Variants in RNF220 observed in about 807,000 individuals in gnomAD.
RNF220 encodes the protein E3 ubiquitin-protein ligase RNF220.
Under a neutral mutation model 67.1 loss-of-function variants are expected in RNF220, and 7 were observed. The observed-to-expected ratio is 0.10, with a 90% confidence interval of 0.06 to 0.20. RNF220 has a LOEUF of 0.20. Among genes scored for constraint, RNF220 ranks in the 10% least tolerant of loss-of-function variants. RNF220 has a pLI of 1.00. For missense variants in RNF220, 565 were observed against 740.3 expected, an observed-to-expected ratio of 0.76 and a Z score of 2.75; for synonymous variants, 270 against 283.2, an observed-to-expected ratio of 0.95 and a Z score of 0.47.
intron 2 of RNF220, among the ~76,000 whole-genome samples, chr1:44,434,769 G>C (rs987297140): frequency 4.6e-5 from 7 of 151,938 alleles, no homozygotes; most frequent in Admixed American, 1.3e-4. Flanking sequence ...ATTGATGTAG[G>C]GAAAGTGTTA....
intron 8 of RNF220, 52 bp downstream of exon 8, chr1:44,636,214 G>C (rs773761686): frequency 2.0e-5 from 31 of 1,568,810 alleles, no homozygotes; most frequent in Non-Finnish European, 2.6e-5. Flanking sequence ...GGCCTCTGCT[G>C]GGTATCCATC....
chr1:44,516,969 T>G (rs184904658), intron 2 of RNF220, among the ~76,000 whole-genome samples: 3 of 152,110 alleles, frequency 2.0e-5, no homozygotes, highest in East Asian at 3.9e-4. Context: ...CCCTCTCCCC[T>G]TTTCCCATGG....
At chr1:44,619,246 G>A (rs1643691885) in intron 3 of RNF220, among the ~76,000 whole-genome samples, 1 of 152,220 alleles carries the variant, frequency 6.6e-6, no homozygotes, top group Admixed American at 6.5e-5. Flanking sequence ...TCTCTGGGAG[G>A]TTTCTGGAGC....
intron 2 of RNF220, among the ~76,000 whole-genome samples, chr1:44,509,884 CCAAAAAAAAA>C (rs1228371990): frequency 3.7e-5 from 3 of 80,408 alleles, no homozygotes; most frequent in African/African-American, 1.4e-4. Flanking sequence ...GAGACCCTGT[CCAAAAAAAAA>C]AAAAAAAAAA....
At chr1:44,495,650 G>A (rs1300635461) in intron 2 of RNF220, among the ~76,000 whole-genome samples, 2 of 152,188 alleles carry the variant, frequency 1.3e-5, no homozygotes, top group Non-Finnish European at 2.9e-5. Context: ...TGACCAGGCT[G>A]GTCTCAAACT....
chr1:44,609,018 C>T (rs1398245125), intron 2 of RNF220, among the ~76,000 whole-genome samples: 1 of 152,188 alleles, frequency 6.6e-6, no homozygotes, highest in Non-Finnish European at 1.5e-5. Context: ...CCATTTCACA[C>T]AAGGAGAAAT....
At chr1:44,637,226 G>A (rs917157798) in intron 8 of RNF220, among the ~76,000 whole-genome samples, 2 of 152,246 alleles carry the variant, frequency 1.3e-5, no homozygotes, top group African/African-American at 4.8e-5. Context: ...GTTCCACGAA[G>A]GGGCTAAGAG....
chr1:44,533,808 T>C (rs1354687403), intron 2 of RNF220, among the ~76,000 whole-genome samples: 1 of 152,180 alleles, frequency 6.6e-6, no homozygotes, highest in African/African-American at 2.4e-5. Flanking sequence ...ATAAGCATTC[T>C]AAGTAGAGGG....
At chr1:44,569,898 G>C (rs573856618) in intron 2 of RNF220, among the ~76,000 whole-genome samples, 1 of 152,164 alleles carries the variant, frequency 6.6e-6, no homozygotes, top group Non-Finnish European at 1.5e-5. Context: ...AGTCTGAAAG[G>C]GGTAGCAGGC....
At chr1:44,603,466 G>A (rs571854535) in intron 2 of RNF220, among the ~76,000 whole-genome samples, 1 of 152,358 alleles carries the variant, frequency 6.6e-6, no homozygotes, top group East Asian at 1.9e-4. Flanking sequence ...GCCCAAGTCT[G>A]GGCCCAGACC....
intron 2 of RNF220, among the ~76,000 whole-genome samples, chr1:44,540,406 C>A (rs1409987018): frequency 2.0e-5 from 3 of 152,134 alleles, no homozygotes; most frequent in Non-Finnish European, 4.4e-5. Flanking sequence ...TGAACTGTAC[C>A]ACACATCACC....
intron 6 of RNF220, chr1:44,632,735 T>C: frequency 2.6e-6 from 1 of 389,040 alleles, no homozygotes; most frequent in Non-Finnish European, 4.8e-6. Context: ...TGCAGGGCGC[T>C]GAGAATGTTT....
chr1:44,508,891 G>A (rs552211249), intron 2 of RNF220, among the ~76,000 whole-genome samples: 1 of 152,152 alleles, frequency 6.6e-6, no homozygotes, highest in Non-Finnish European at 1.5e-5. Flanking sequence ...AGATGGAAAG[G>A]AGTAAGCCCT....
chr1:44,645,158 C>T lies in RNF220; in HGVS notation c.1311-63C>T. The T allele has an allele frequency of 6.2e-7, 1 of 1,611,928 alleles. No homozygotes were observed. Among genetic ancestry groups the T allele is most frequent in the Non-Finnish European group, 8.5e-7 (1 of 1,178,008 alleles). ...GAGGCAGGGGTTAACGCAGTACTGA[C>T]CCTCAGGGCTGTCCTGCCCGCCTTC... On this transcript the variant is annotated intron_variant, in intron 10 of 14. Coordinates refer to ENST00000361799, the MANE Select transcript of RNF220 (RefSeq NM_018150.4). The surrounding 1 kb of genome is among the most constrained non-coding windows in gnomAD (Gnocchi z 5.0).
At chr1:44,530,128 G>A (rs1365620445) in intron 2 of RNF220, among the ~76,000 whole-genome samples, 1 of 151,812 alleles carries the variant, frequency 6.6e-6, no homozygotes, top group African/African-American at 2.4e-5. Context: ...TAAACGTTTA[G>A]GTATACTAAC....
At chr1:44,640,088 C>T (rs1005271612) in intron 8 of RNF220, among the ~76,000 whole-genome samples, 1 of 152,260 alleles carries the variant, frequency 6.6e-6, no homozygotes, top group African/African-American at 2.4e-5. Flanking sequence ...CCACACCCGG[C>T]CTGGCACAAA....
At chr1:44,627,568 ACAAAGAACTTCCCC>A in intron 5 of RNF220, among the ~76,000 whole-genome samples, 1 of 152,252 alleles carries the variant, frequency 6.6e-6, no homozygotes, top group East Asian at 1.9e-4. Context: ...AGTAGGAAGG[ACAAAGAACTTCCCC>A]CAAAACTTTT....
chr1:44,414,139 C>T (rs1160747471), intron 2 of RNF220, among the ~76,000 whole-genome samples: 1 of 152,222 alleles, frequency 6.6e-6, no homozygotes, highest in Non-Finnish European at 1.5e-5. Context: ...TTCTCTTTCA[C>T]CTTTTCAGTT....
intron 2 of RNF220, among the ~76,000 whole-genome samples, chr1:44,591,098 A>T (rs1666085010): frequency 6.6e-6 from 1 of 152,198 alleles, no homozygotes; most frequent in African/African-American, 2.4e-5. Flanking sequence ...AGTAACTGGG[A>T]TTACAGGCAC....
Sources: gnomAD v4.1 joint callset for allele counts (sites outside exome capture counted in the v4.1 genomes callset) on GRCh38, gnomAD v4.1.1 for gene constraint, Gnocchi (gnomAD v3.1) non-coding constraint, MANE v1.5 for transcripts, NCBI Gene and HGNC (gene_info 2026-07-23, HGNC 2026-07-21) for gene names.